The following EYA4 variants were observed in gnomAD, a reference collection of about 807,000 sequenced individuals.
The protein encoded by EYA4 is EYA transcriptional coactivator and phosphatase 4.
A neutral mutation model predicts 87.9 loss-of-function variants in EYA4; 31 were observed. That is an observed-to-expected ratio of 0.35 (90% CI 0.27 to 0.48). The LOEUF (loss-of-function observed/expected upper bound fraction) is 0.48, where lower values mean the gene tolerates loss of function less well. EYA4 is among the 20% of genes least tolerant of loss of function. EYA4 has a pLI of 0.99. For missense variants in EYA4, 678 were observed against 761.4 expected (o/e 0.89, Z 1.29); for synonymous variants, 263 against 270.6 (o/e 0.97, Z 0.28).
rs575115686 is a variant in EYA4, at chr6:133,269,325, A to G, written c.-65-5391A>G. The stretch of plus-strand genomic sequence containing the variant: ...CAACTTTCAGTGTGCTTGATAATCC[A>G]CCATATCCTATATACCCTCCCTTCC... On this transcript the variant is annotated intron_variant, in intron 1 of 19. Coordinates refer to ENST00000355286, the MANE Select transcript of EYA4 (RefSeq NM_004100.5). Among the ~76,000 whole-genome samples the G allele has an allele frequency of 2.2e-4, 33 of 152,280 alleles. 1 individual carries two copies. In the South Asian group the frequency reaches 6.4e-3, roughly 30 times the overall value.
At chr6:133,528,626 G>C (rs1013902074) in intron 19 of EYA4, 99 bp from the exon 20 acceptor site, 3 of 897,982 alleles carry the variant, frequency 3.3e-6, no homozygotes, top group South Asian at 1.3e-5. Flanking sequence ...ACACATCCCT[G>C]TGTGTGCTGC....
intron 3 of EYA4, among the ~76,000 whole-genome samples, chr6:133,415,634 T>G (rs1265051571): frequency 6.6e-6 from 1 of 152,238 alleles, no homozygotes; most frequent in Admixed American, 6.5e-5. Context: ...GGTTTTCTCC[T>G]ATAATTTACC....
At chr6:133,382,559 A>T (rs1786315227) in intron 3 of EYA4, 118 bp downstream of exon 3, 3 of 801,792 alleles carry the variant, frequency 3.7e-6, no homozygotes, top group Admixed American at 3.4e-5. Flanking sequence ...TGAAGAACTT[A>T]TCTTGATGGA....
At chr6:133,364,805 A>G (rs974323352) in intron 2 of EYA4, among the ~76,000 whole-genome samples, 4 of 152,178 alleles carry the variant, frequency 2.6e-5, no homozygotes, top group African/African-American at 9.7e-5. Context: ...GAATGTTGGA[A>G]TGGCTTCCTA....
chr6:133,332,473 A>G (rs377312829), intron 2 of EYA4, among the ~76,000 whole-genome samples: 1 of 151,730 alleles, frequency 6.6e-6, no homozygotes, highest in Non-Finnish European at 1.5e-5. Context: ...CTGCATATTC[A>G]TTGTGCTATA....
chr6:133,355,535 A>G (rs1350092655), intron 2 of EYA4, among the ~76,000 whole-genome samples: 3 of 152,236 alleles, frequency 2.0e-5, no homozygotes, highest in Non-Finnish European at 2.9e-5. Context: ...TTACAGGGAC[A>G]TGGATGGAGC....
chr6:133,522,980 C>A, intron 17 of EYA4, 76 bp from the exon 18 acceptor site: 1 of 1,303,458 alleles, frequency 7.7e-7, no homozygotes, highest in Non-Finnish European at 1.1e-6. Flanking sequence ...ATTTAGAGAC[C>A]ACAGTGACAA....
intron 2 of EYA4, among the ~76,000 whole-genome samples, chr6:133,356,010 C>G (rs993191240): frequency 4.9e-4 from 73 of 149,366 alleles, no homozygotes; most frequent in African/African-American, 1.5e-3. Context: ...TTCTTCCTGT[C>G]TTGGGGGTTA....
intron 1 of EYA4, among the ~76,000 whole-genome samples, chr6:133,252,074 TA>T: frequency 6.6e-6 from 1 of 152,340 alleles, no homozygotes; most frequent in African/African-American, 2.4e-5. Context: ...AGAGAGTATG[TA>T]GGAAGTAAAT....
intron 2 of EYA4, among the ~76,000 whole-genome samples, chr6:133,373,523 T>G (rs911148532): frequency 5.9e-5 from 9 of 152,058 alleles, no homozygotes; most frequent in African/African-American, 2.2e-4. Context: ...TCTTTCCTGG[T>G]TCACTGCGAA....
At chr6:133,330,654 A>G (rs1031573397) in intron 2 of EYA4, among the ~76,000 whole-genome samples, 3 of 151,606 alleles carry the variant, frequency 2.0e-5, no homozygotes, top group African/African-American at 7.3e-5. Flanking sequence ...TAAAAGCTGT[A>G]TGTTTAGCTG....
chr6:133,331,069 G>A (rs1381978922), intron 2 of EYA4, among the ~76,000 whole-genome samples: 1 of 138,510 alleles, frequency 7.2e-6, no homozygotes, highest in Non-Finnish European at 1.5e-5. Flanking sequence ...CAGAAGTAGT[G>A]TAATGATTAA....
chr6:133,405,795 G>C (rs903014493), intron 3 of EYA4, among the ~76,000 whole-genome samples: 2 of 152,056 alleles, frequency 1.3e-5, no homozygotes, highest in Non-Finnish European at 2.9e-5. Context: ...TGGGGGGAAG[G>C]GGGTGACAAT....
chr6:133,425,115 G>T (rs549285537), intron 3 of EYA4, among the ~76,000 whole-genome samples: 2 of 150,910 alleles, frequency 1.3e-5, no homozygotes, highest in African/African-American at 4.9e-5. Context: ...CCTATTAATG[G>T]ACATTTGTGT....
At chr6:133,253,987 A>G (rs77270303) in intron 1 of EYA4, among the ~76,000 whole-genome samples, 51 of 152,294 alleles carry the variant, frequency 3.3e-4, no homozygotes, top group African/African-American at 1.1e-3. Flanking sequence ...TCTGCAAAGG[A>G]TGAATCCTGT....
At chr6:133,332,857 CA>C (rs1174155517) in intron 2 of EYA4, among the ~76,000 whole-genome samples, 4 of 152,002 alleles carry the variant, frequency 2.6e-5, no homozygotes, top group Non-Finnish European at 5.9e-5. Flanking sequence ...CCACCGCGCC[CA>C]GCCTGAGGCT....
At chr6:133,281,427 T>C (rs1777616338) in intron 2 of EYA4, among the ~76,000 whole-genome samples, 1 of 152,214 alleles carries the variant, frequency 6.6e-6, no homozygotes, top group African/African-American at 2.4e-5. Flanking sequence ...CTATGATTTC[T>C]CATATGTAAG....
chr6:133,457,089 A>G (rs1378125578), intron 6 of EYA4, among the ~76,000 whole-genome samples: 1 of 151,488 alleles, frequency 6.6e-6, no homozygotes, highest in Non-Finnish European at 1.5e-5. Flanking sequence ...GGTTTAAAAA[A>G]CTCCTCCTGT....
chr6:133,385,298 CAA>C (rs3065362), intron 3 of EYA4, among the ~76,000 whole-genome samples: 2,914 of 106,604 alleles, frequency 0.027, 177 homozygotes, highest in African/African-American at 0.098. Flanking sequence ...GACTCTGTCT[CAA>C]AAAAAAAAAA....
Sources: gnomAD v4.1 joint callset for allele counts (sites outside exome capture counted in the v4.1 genomes callset) on GRCh38, gnomAD v4.1.1 for gene constraint, MANE v1.5 for transcripts, NCBI Gene and HGNC (gene_info 2026-07-23, HGNC 2026-07-21) for gene names.